Variants in WASF3 observed in about 807,000 individuals in gnomAD.
The protein encoded by WASF3 is WASP family member 3.
WASF3 carries 11 observed loss-of-function variants against 46.6 expected under a neutral mutation model. The observed-to-expected ratio is 0.24, with a 90% CI of 0.15 to 0.39. The LOEUF (loss-of-function observed/expected upper bound fraction) is 0.39. Ranked by LOEUF, WASF3 falls within the 10% of genes least tolerant of loss-of-function variation. The pLI is 1.00. For synonymous variants in WASF3, 242 were observed against 259.7 expected, an observed-to-expected ratio of 0.93 and a Z score of 0.65; for missense variants, 576 against 669.8, an observed-to-expected ratio of 0.86 and a Z score of 1.55.
At chr13:26,603,703 C>T (rs1465825655) in intron 1 of WASF3, among the ~76,000 whole-genome samples, 1 of 152,112 alleles carries the variant, frequency 6.6e-6, no homozygotes, top group Non-Finnish European at 1.5e-5. Context: ...AAAGGGAAAC[C>T]TCTTTTATAC....
intron 1 of WASF3, among the ~76,000 whole-genome samples, chr13:26,599,669 T>C (rs1281743538): frequency 2.0e-5 from 3 of 152,216 alleles, no homozygotes. Context: ...CCCTTATCTA[T>C]TGGCAGATTC....
chr13:26,669,206 C>CTTTTTTTTTT (rs71080286), intron 5 of WASF3, among the ~76,000 whole-genome samples: 1 of 65,320 alleles, frequency 1.5e-5, no homozygotes, highest in African/African-American at 5.8e-5. Context: ...ATATCTTTGA[C>CTTTTTTTTTT]TTTTTTTTTT....
chr13:26,679,256 C>T lies in WASF3; in HGVS notation c.717-1798C>T, dbSNP rs75112065. Reference sequence around the variant, plus strand: ...ATCTCCAACAGCTGCCTGCTCCTCCCTCCTCCTCCTCCTGCCTGCTGGCAC... The same window carrying T: ...ATCTCCAACAGCTGCCTGCTCCTCCTTCCTCCTCCTCCTGCCTGCTGGCAC... On this transcript the variant is annotated intron_variant, in intron 7 of 9. Coordinates refer to ENST00000335327, the MANE Select transcript of WASF3 (RefSeq NM_006646.6). The surrounding 1 kb of genome is among the most constrained non-coding windows in gnomAD (Gnocchi z 4.8). Among the ~76,000 whole-genome samples the T allele has an allele frequency of 1.3e-5, 2 of 152,086 alleles. No homozygotes were observed. Among genetic ancestry groups the T allele is most frequent in the East Asian group, 3.9e-4 (2 of 5,166 alleles).
At chr13:26,636,742 A>G (rs1476354725) in intron 2 of WASF3, among the ~76,000 whole-genome samples, 1 of 152,182 alleles carries the variant, frequency 6.6e-6, no homozygotes, top group Non-Finnish European at 1.5e-5. Flanking sequence ...AGACCTGCTG[A>G]AGGGTCCTTT....
intron 6 of WASF3, among the ~76,000 whole-genome samples, chr13:26,674,918 A>ATT (rs1883019757): frequency 6.6e-6 from 1 of 152,208 alleles, no homozygotes; most frequent in Non-Finnish European, 1.5e-5. Flanking sequence ...TTTTGATGAA[A>ATT]GATTGAATGT....
intron 1 of WASF3, among the ~76,000 whole-genome samples, chr13:26,572,142 T>A (rs925296675): frequency 2.6e-5 from 4 of 152,198 alleles, no homozygotes; most frequent in Admixed American, 2.6e-4. Context: ...ACTAGAGAGT[T>A]GTTGTTCTTT....
chr13:26,597,037 T>C (rs976247341), intron 1 of WASF3, among the ~76,000 whole-genome samples: 2 of 152,270 alleles, frequency 1.3e-5, no homozygotes, highest in Non-Finnish European at 2.9e-5. Context: ...TAGTTATGTC[T>C]ACTGGTTGCA....
chr13:26,602,248 A>G (rs1357632306), intron 1 of WASF3, among the ~76,000 whole-genome samples: 1 of 152,154 alleles, frequency 6.6e-6, no homozygotes, highest in Non-Finnish European at 1.5e-5. Flanking sequence ...AATGTTTCCT[A>G]CAGGATTATA....
chr13:26,653,058 G>A (rs1266436434), intron 3 of WASF3, among the ~76,000 whole-genome samples: 1 of 152,046 alleles, frequency 6.6e-6, no homozygotes, highest in Non-Finnish European at 1.5e-5. Flanking sequence ...TAAAAGAAAA[G>A]CAATCAGAGC....
At chr13:26,611,875 T>G (rs2137223348) in intron 1 of WASF3, among the ~76,000 whole-genome samples, 1 of 152,202 alleles carries the variant, frequency 6.6e-6, no homozygotes, top group South Asian at 2.1e-4. Flanking sequence ...GGTTGCGGTC[T>G]TAACTATGTG....
At position 26,682,929 on chromosome 13, in the gene WASF3, CCAAT is replaced by C; in HGVS notation, c.1309_1312del (p.Ile437ValfsTer17). The C allele has an allele frequency of 6.2e-7, 1 of 1,609,958 alleles. No homozygotes were observed. The highest frequency in any genetic ancestry group is 8.5e-7 in the Non-Finnish European group (1 of 1,180,006). ...GAAGCGGCAAGAGCCTGCACAGCCA[CCAAT>C]CAGTGATGCTCGAAGCGACCTCCTC... is the stretch of plus-strand genomic sequence containing the variant. On this transcript the variant is annotated frameshift_variant, in exon 9 of 10. Transcript: ENST00000335327. LOFTEE classifies it high-confidence loss of function. The surrounding 1 kb of genome is among the most constrained non-coding windows in gnomAD (Gnocchi z 4.4).
At chr13:26,651,676 CCAGA>C (rs1479951770) in intron 3 of WASF3, among the ~76,000 whole-genome samples, 1 of 152,060 alleles carries the variant, frequency 6.6e-6, no homozygotes, top group Non-Finnish European at 1.5e-5. Flanking sequence ...TGCAAGGAGT[CCAGA>C]CAAAGTAAAT....
chr13:26,629,335 C>T (rs781711391), intron 2 of WASF3, among the ~76,000 whole-genome samples: 8 of 152,050 alleles, frequency 5.3e-5, no homozygotes, highest in Non-Finnish European at 1.0e-4. Flanking sequence ...TCCTCATCTT[C>T]CAGTTCTTTT....
intron 1 of WASF3, among the ~76,000 whole-genome samples, chr13:26,569,464 A>G (rs1198494141): frequency 6.6e-6 from 1 of 152,234 alleles, no homozygotes; most frequent in Non-Finnish European, 1.5e-5. Context: ...ATGATCAAAG[A>G]AGATATTACG....
chr13:26,611,715 C>T (rs893095229), intron 1 of WASF3, among the ~76,000 whole-genome samples: 1 of 152,130 alleles, frequency 6.6e-6, no homozygotes, highest in Non-Finnish European at 1.5e-5. Context: ...TTCTCTTTTA[C>T]TCAGCATCAA....
At chr13:26,674,471 T>C (rs1883006571) in intron 6 of WASF3, among the ~76,000 whole-genome samples, 1 of 152,156 alleles carries the variant, frequency 6.6e-6, no homozygotes, top group Admixed American at 6.5e-5. Context: ...CAAATAGCAC[T>C]CCCTTCCCTG....
the WASF3 span, among the ~76,000 whole-genome samples, chr13:26,547,423 CACA>C: frequency 4.0e-4 from 60 of 150,628 alleles, no homozygotes; most frequent in East Asian, 5.9e-4. Context: ...CACACACACA[CACA>C]CCCATCATAT....
chr13:26,577,775 A>G (rs898691946), intron 1 of WASF3: 8 of 635,022 alleles, frequency 1.3e-5, no homozygotes, highest in Non-Finnish European at 1.9e-5. Flanking sequence ...TGCAGACCTT[A>G]TTCAGATTTC....
At chr13:26,600,809 G>A (rs1040947918) in intron 1 of WASF3, among the ~76,000 whole-genome samples, 1 of 152,030 alleles carries the variant, frequency 6.6e-6, no homozygotes, top group African/African-American at 2.4e-5. Context: ...TCGCAGCACT[G>A]TAGAATGTTA....
Sources: allele counts gnomAD v4.1 joint callset (sites outside exome capture counted in the v4.1 genomes callset), GRCh38; gene constraint gnomAD v4.1.1; non-coding constraint Gnocchi (gnomAD v3.1); transcripts MANE v1.5; gene names NCBI Gene and HGNC (gene_info 2026-07-23, HGNC 2026-07-21).